RIC1: variants seen among roughly 807,000 people sequenced by gnomAD.
RIC1 encodes RIC1 partner of RAB6A GEF complex, also known as guanine nucleotide exchange factor subunit RIC1.
RIC1 carries 88 observed loss-of-function variants against 169.0 expected under a neutral mutation model. The ratio of observed to expected loss-of-function variants is 0.52; its 90% CI spans 0.44 to 0.62. RIC1 has a LOEUF of 0.62. Ranked by LOEUF, RIC1 falls within the 20% of genes least tolerant of loss-of-function variation. RIC1 has a pLI of 0.00. For synonymous variants in RIC1, 790 were observed against 601.5 expected, an observed-to-expected ratio of 1.31 and a Z score of -4.59; for missense variants, 1,877 against 1,725.5, an observed-to-expected ratio of 1.09 and a Z score of -1.56.
At chr9:5,772,159 C>G (rs1048383225) in intron 23 of RIC1, among the ~76,000 whole-genome samples, 5 of 152,152 alleles carry the variant, frequency 3.3e-5, no homozygotes, top group African/African-American at 1.2e-4. Flanking sequence ...CTTTTCCCTT[C>G]CTTGCAGTTT....
chr9:5,646,144 G>A (rs1043513796), intron 1 of RIC1, among the ~76,000 whole-genome samples: 3 of 151,946 alleles, frequency 2.0e-5, no homozygotes, highest in Non-Finnish European at 4.4e-5. Context: ...GGTATGTCAT[G>A]GTTTTGGTTT....
chr9:5,743,581 C>A, intron 9 of RIC1, 108 bp from the exon 10 acceptor site: 1 of 841,364 alleles, frequency 1.2e-6, no homozygotes, highest in South Asian at 1.7e-5. Flanking sequence ...TTATGTATTT[C>A]TATTTTAAAG....
intron 2 of RIC1, among the ~76,000 whole-genome samples, chr9:5,679,271 T>G (rs1034770470): frequency 6.6e-6 from 1 of 152,174 alleles, no homozygotes; most frequent in East Asian, 1.9e-4. Context: ...AGTCAGGTAG[T>G]GTGATGCCTC....
chr9:5,771,542 C>A (rs1827221399), intron 23 of RIC1, among the ~76,000 whole-genome samples: 1 of 152,050 alleles, frequency 6.6e-6, no homozygotes, highest in South Asian at 2.1e-4. Context: ...GTATATATAT[C>A]CAGAAATGGG....
intron 1 of RIC1, among the ~76,000 whole-genome samples, chr9:5,650,082 CTG>C (rs966621328): frequency 1.3e-5 from 2 of 152,264 alleles, no homozygotes; most frequent in Admixed American, 1.3e-4. Context: ...CAGCAGCAGA[CTG>C]TGTGCCTGTC....
chr9:5,655,536 G>A (rs1204585686), intron 1 of RIC1, among the ~76,000 whole-genome samples: 1 of 152,046 alleles, frequency 6.6e-6, no homozygotes, highest in Non-Finnish European at 1.5e-5. Context: ...CCTGACCTCA[G>A]GTGATCTGCC....
rs1047870250 is a variant in RIC1, at chr9:5,755,044, A to C, written c.1692+114A>C. 11 of 608,206 alleles carry C rather than the reference A, an allele frequency of 1.8e-5. 1 individual carries two copies. The African/African-American group carries it at 2.1e-4, about 12-fold the overall frequency. The allele number at this position is 608,206 out of a possible 1,614,324, so 37.7% of individuals were successfully genotyped here. A position where few individuals can be genotyped will look rare whatever the true frequency, so the allele number is the denominator to read the frequency against. On this transcript the variant is annotated intron_variant, in intron 15 of 25. Coordinates refer to ENST00000414202, the MANE Select transcript of RIC1 (RefSeq NM_020829.4). ...AACTGAACAAAACATTTTATTTTTT[A>C]ATCAAGAATGTAGCTTCTTTTAGGT...
chr9:5,739,386 A>G (rs1314316867), intron 8 of RIC1, among the ~76,000 whole-genome samples: 1 of 152,092 alleles, frequency 6.6e-6, no homozygotes, highest in Non-Finnish European at 1.5e-5. Flanking sequence ...ATTCAGCCTG[A>G]TCCAACTCTG....
At chr9:5,686,379 A>G (rs1295427058) in intron 2 of RIC1, among the ~76,000 whole-genome samples, 5 of 152,110 alleles carry the variant, frequency 3.3e-5, no homozygotes, top group African/African-American at 4.8e-5. Flanking sequence ...AACCAACCCA[A>G]ATGTCCAACA....
chr9:5,723,684 G>A (rs569232802), intron 6 of RIC1, among the ~76,000 whole-genome samples: 2 of 152,224 alleles, frequency 1.3e-5, no homozygotes, highest in Admixed American at 1.3e-4. Flanking sequence ...GGGTTTTTAT[G>A]GTTTTAGGTC....
At chr9:5,760,103 T>A (rs902250236) in intron 17 of RIC1, among the ~76,000 whole-genome samples, 9 of 152,206 alleles carry the variant, frequency 5.9e-5, no homozygotes, top group Non-Finnish European at 1.3e-4. Flanking sequence ...CATTTAATAC[T>A]AAAGTTTTCA....
intron 2 of RIC1, among the ~76,000 whole-genome samples, chr9:5,682,466 T>C (rs1009865900): frequency 1.3e-5 from 2 of 152,338 alleles, no homozygotes; most frequent in East Asian, 3.9e-4. Flanking sequence ...TTCTTTTCTT[T>C]AAGAATGTTG....
rs1354715406 is a variant in RIC1 at position 5,720,342 on chromosome 9, A to G, written c.583+18A>G. ...ATCTAGAGGTAGCTATACTTTCTAC[A>G]TGAGGTTGAACCAGTTGTTTAATGT... is the stretch of plus-strand genomic sequence containing the variant. On this transcript the variant is annotated intron_variant, in intron 5 of 25. Transcript: ENST00000414202. 1.2e-6 allele frequency: 2 copies of G among 1,604,640 alleles called. No homozygotes were observed. The highest frequency in any genetic ancestry group is 1.1e-5 in the South Asian group (1 of 89,460).
At chr9:5,748,297 ACT>A (rs1362715384) in intron 12 of RIC1, among the ~76,000 whole-genome samples, 3 of 151,734 alleles carry the variant, frequency 2.0e-5, no homozygotes, top group African/African-American at 7.3e-5. Flanking sequence ...CCTTACTTTG[ACT>A]CTCTATATGT....
chr9:5,714,815 C>G (rs1443647917), intron 4 of RIC1, among the ~76,000 whole-genome samples: 5 of 152,096 alleles, frequency 3.3e-5, no homozygotes, highest in African/African-American at 1.2e-4. Context: ...AACTGAGTAG[C>G]TATGGGACAG....
chr9:5,651,604 T>C (rs1818806353), intron 1 of RIC1, among the ~76,000 whole-genome samples: 1 of 146,512 alleles, frequency 6.8e-6, no homozygotes, highest in Non-Finnish European at 1.5e-5. Context: ...CACCCTGTCC[T>C]TCATTCTTGA....
intron 6 of RIC1, among the ~76,000 whole-genome samples, chr9:5,725,677 C>G (rs938524459): frequency 6.6e-6 from 1 of 152,062 alleles, no homozygotes; most frequent in African/African-American, 2.4e-5. Context: ...ATCTTTCGTG[C>G]TTTCTGTTGT....
In RIC1 at chr9:5,683,813, G is replaced by T. The variant is rs558662995; in HGVS notation, c.253-6146G>T. ...CTCCACCCAGTTCAACTTCCCGGCT[G>T]CTTTGTTTACCTACTCAAGCCTCGG... On this transcript the variant is annotated intron_variant, in intron 2 of 25. Coordinates refer to ENST00000414202, the MANE Select transcript of RIC1 (RefSeq NM_020829.4). 2.0e-5 allele frequency among the ~76,000 whole-genome samples: 3 copies of T among 152,336 alleles called. No homozygotes were observed. The South Asian group carries it at 6.2e-4, about 32-fold the overall frequency.
chr9:5,767,644 A>G (rs540152367), intron 21 of RIC1, among the ~76,000 whole-genome samples: 11 of 152,154 alleles, frequency 7.2e-5, no homozygotes, highest in African/African-American at 2.6e-4. Flanking sequence ...CTGGAGTGCA[A>G]TGGCTTGATC....
Sources: allele counts gnomAD v4.1 joint callset (sites outside exome capture counted in the v4.1 genomes callset), GRCh38; gene constraint gnomAD v4.1.1; transcripts MANE v1.5; gene names NCBI Gene and HGNC (gene_info 2026-07-23, HGNC 2026-07-21).